The following CSMD1 variants were observed in gnomAD, a reference collection of about 807,000 sequenced individuals.
The protein encoded by CSMD1 is CUB and Sushi multiple domains 1.
Under a neutral mutation model 417.5 loss-of-function variants are expected in CSMD1, and 213 were observed. That is an observed-to-expected ratio of 0.51 (90% CI 0.46 to 0.57). The LOEUF (loss-of-function observed/expected upper bound fraction) is 0.57. Ranked by LOEUF, CSMD1 falls within the 20% of genes least tolerant of loss-of-function variation. The pLI is 0.00. For missense variants in CSMD1, 6,923 were observed against 4,529.7 expected (o/e 1.53, Z -15.17); for synonymous variants, 2,862 against 1,736.8 (o/e 1.65, Z -16.11).
At chr8:3,801,745 T>C (rs561198794) in intron 5 of CSMD1, among the ~76,000 whole-genome samples, 82 of 152,294 alleles carry the variant, frequency 5.4e-4, no homozygotes, top group African/African-American at 1.1e-3. Context: ...CTGATGACTC[T>C]GGACAAACTA....
intron 3 of CSMD1, among the ~76,000 whole-genome samples, chr8:4,261,778 A>C (rs953849182): frequency 3.3e-5 from 5 of 151,996 alleles, no homozygotes; most frequent in Admixed American, 6.6e-5. Flanking sequence ...TGAATATGTT[A>C]ATTAGTTTGA....
chr8:4,862,445 T>C (rs1802193135), intron 1 of CSMD1, among the ~76,000 whole-genome samples: 1 of 152,086 alleles, frequency 6.6e-6, no homozygotes, highest in Non-Finnish European at 1.5e-5. Context: ...GGTAGAGGCA[T>C]GTGTGACTAC....
chr8:4,672,071 G>A (rs1805366199), intron 1 of CSMD1, among the ~76,000 whole-genome samples: 1 of 152,170 alleles, frequency 6.6e-6, no homozygotes, highest in Admixed American at 6.5e-5. Flanking sequence ...GAAAGATAGA[G>A]TTTCCTTTAA....
intron 2 of CSMD1, among the ~76,000 whole-genome samples, chr8:4,533,054 C>T (rs1333847887): frequency 6.6e-6 from 1 of 152,240 alleles, no homozygotes; most frequent in African/African-American, 2.4e-5. Flanking sequence ...CAGGCAACCA[C>T]TCACCTACTT....
At chr8:3,911,643 T>C (rs1808476170) in intron 5 of CSMD1, among the ~76,000 whole-genome samples, 2 of 152,230 alleles carry the variant, frequency 1.3e-5, no homozygotes, top group African/African-American at 2.4e-5. Flanking sequence ...GGAGTGGCTT[T>C]CATAATCACC....
chr8:4,439,199 T>A (rs992504135), intron 2 of CSMD1, among the ~76,000 whole-genome samples: 2 of 152,162 alleles, frequency 1.3e-5, no homozygotes, highest in Non-Finnish European at 2.9e-5. Context: ...ATTAAACACA[T>A]TGCAAATTTC....
intron 36 of CSMD1, chr8:3,183,040 G>C (rs944188033): frequency 1.3e-5 from 2 of 151,982 alleles, no homozygotes; most frequent in Non-Finnish European, 2.9e-5. Flanking sequence ...TTACAGGCAT[G>C]AGCCACCGCA....
At chr8:4,491,046 T>C (rs1397802396) in intron 2 of CSMD1, among the ~76,000 whole-genome samples, 1 of 152,164 alleles carries the variant, frequency 6.6e-6, no homozygotes, top group African/African-American at 2.4e-5. Context: ...TACCTGGCTG[T>C]GGTGAGGCGG....
At chr8:4,642,385 C>G (rs570152237) in intron 1 of CSMD1, among the ~76,000 whole-genome samples, 1 of 152,152 alleles carries the variant, frequency 6.6e-6, no homozygotes, top group Non-Finnish European at 1.5e-5. Context: ...ACTCTGAACA[C>G]CCCCCTACAG....
chr8:3,552,573 T>G lies in CSMD1; in HGVS notation c.1344+22372A>C, dbSNP rs376197136. Among the ~76,000 whole-genome samples the G allele has an allele frequency of 5.1e-4, 77 of 152,254 alleles. No individual in the cohort carries two copies. In the South Asian group the frequency reaches 0.016, roughly 31 times the overall value. On this transcript the variant is annotated intron_variant, in intron 10 of 69. Coordinates refer to ENST00000635120, the MANE Select transcript of CSMD1 (RefSeq NM_033225.6). ...GATAAACATAAGGTGGGGGGCATTG[T>G]GGTTATGCAAATATAAGGTATTTTA...
At chr8:4,055,745 G>A (rs866358865) in intron 3 of CSMD1, among the ~76,000 whole-genome samples, 20 of 152,098 alleles carry the variant, frequency 1.3e-4, no homozygotes, top group African/African-American at 4.8e-4. Context: ...ATCCACAACA[G>A]AATGACTTGA....
chr8:4,198,846 C>G (rs1280688927), intron 3 of CSMD1, among the ~76,000 whole-genome samples: 2 of 152,208 alleles, frequency 1.3e-5, no homozygotes, highest in Non-Finnish European at 2.9e-5. Flanking sequence ...TCAGGAGAGA[C>G]AGCGCAACAA....
intron 3 of CSMD1, among the ~76,000 whole-genome samples, chr8:4,101,682 T>C (rs1801312175): frequency 6.6e-6 from 1 of 152,222 alleles, no homozygotes; most frequent in Non-Finnish European, 1.5e-5. Flanking sequence ...ATGAAAGTGA[T>C]GGTAACCAAA....
At chr8:4,384,230 G>A (rs6558874) in intron 3 of CSMD1, among the ~76,000 whole-genome samples, 121,777 of 152,076 alleles carry the variant, frequency 0.8, 49,260 homozygotes, top group African/African-American at 0.91. Context: ...AAACAAGACA[G>A]AAGTGATAAA....
At chr8:3,535,452 C>T (rs937575526) in intron 10 of CSMD1, among the ~76,000 whole-genome samples, 1 of 152,112 alleles carries the variant, frequency 6.6e-6, no homozygotes, top group African/African-American at 2.4e-5. Context: ...CACATTGCTG[C>T]AAAAGCCTCC....
At chr8:4,677,301 A>G (rs1805759099) in intron 1 of CSMD1, among the ~76,000 whole-genome samples, 1 of 151,898 alleles carries the variant, frequency 6.6e-6, no homozygotes. Flanking sequence ...TAAAGTGAAG[A>G]AAGAAATTAC....
chr8:3,475,386 C>G (rs1240603602), intron 11 of CSMD1, among the ~76,000 whole-genome samples: 3 of 152,004 alleles, frequency 2.0e-5, no homozygotes, highest in Non-Finnish European at 4.4e-5. Context: ...ATAAATTAAC[C>G]TACACTGTAT....
intron 3 of CSMD1, among the ~76,000 whole-genome samples, chr8:4,274,517 T>C (rs1396507318): frequency 6.6e-6 from 1 of 152,172 alleles, no homozygotes; most frequent in Non-Finnish European, 1.5e-5. Context: ...TTAATATTTG[T>C]TTAGTCCACA....
rs571559360 is a variant in CSMD1 at position 3,619,819 on chromosome 8, G to A, written c.1010-3022C>T. ...GGCTGGGCACGGTGGCTCACACAACGTAATATATTCAATAGAATTTGTATT... is the reference window on the plus strand; with the variant it reads ...GGCTGGGCACGGTGGCTCACACAACATAATATATTCAATAGAATTTGTATT... On this transcript the variant is annotated intron_variant, in intron 7 of 69. Transcript: ENST00000635120. Among the ~76,000 whole-genome samples the A allele has an allele frequency of 2.6e-4, 40 of 152,264 alleles. 1 individual carries two copies. The highest frequency in any genetic ancestry group is 6.8e-3 in the Middle Eastern group (2 of 294).
Sources: allele counts gnomAD v4.1 joint callset (sites outside exome capture counted in the v4.1 genomes callset), GRCh38; gene constraint gnomAD v4.1.1; transcripts MANE v1.5; gene names NCBI Gene and HGNC (gene_info 2026-07-23, HGNC 2026-07-21).